LRMDA: variants seen among roughly 807,000 people sequenced by gnomAD.
The protein encoded by LRMDA is leucine-rich melanocyte differentiation-associated protein.
LRMDA carries 18 observed loss-of-function variants against 29.8 expected under a neutral mutation model. The observed-to-expected ratio is 0.60, with a 90% CI of 0.42 to 0.90. The LOEUF is 0.90. LRMDA is among the 40% of genes least tolerant of loss of function. The pLI is 0.00. For missense variants in LRMDA, 273 were observed against 273.9 expected (o/e 1.00, Z 0.02); for synonymous variants, 125 against 109.4 (o/e 1.14, Z -0.89).
At chr10:76,147,323 A>C (rs1176170735) in intron 5 of LRMDA, among the ~76,000 whole-genome samples, 1 of 152,118 alleles carries the variant, frequency 6.6e-6, no homozygotes, top group African/African-American at 2.4e-5. Flanking sequence ...CAGGTACACC[A>C]ATCAGACGTA....
chr10:76,232,859 T>C (rs1303336037), intron 5 of LRMDA, among the ~76,000 whole-genome samples: 1 of 152,164 alleles, frequency 6.6e-6, no homozygotes, highest in East Asian at 1.9e-4. Context: ...TGGGGCCTTT[T>C]ATGGACTCAG....
chr10:76,150,450 C>T (rs1850418786), intron 5 of LRMDA, among the ~76,000 whole-genome samples: 1 of 152,230 alleles, frequency 6.6e-6, no homozygotes, highest in African/African-American at 2.4e-5. Flanking sequence ...GTGCCTTCCC[C>T]TCCCCTGCCA....
rs58554883 is a variant in LRMDA, at chr10:76,261,064, C to CT, written c.517-63319dup. Among the ~76,000 whole-genome samples, 739 of 117,666 alleles carry CT rather than the reference C, an allele frequency of 6.3e-3. 33 individuals carry two copies. The highest frequency in any genetic ancestry group is 0.018 in the African/African-American group (537 of 29,612). 77.2% of individuals were successfully genotyped at this position (117,666 alleles called of 152,430 possible). ...GATTGACTTGCGTTTCTTTTCTTTT[C>CT]TTTTTTTTTTTTTTTTTTGAGACGG... is the stretch of plus-strand genomic sequence containing the variant. On this transcript the variant is annotated intron_variant, in intron 5 of 6. Coordinates refer to ENST00000611255, the MANE Select transcript of LRMDA (RefSeq NM_001305581.2).
chr10:76,329,467 T>C (rs938313393), intron 6 of LRMDA, among the ~76,000 whole-genome samples: 1 of 152,132 alleles, frequency 6.6e-6, no homozygotes, highest in African/African-American at 2.4e-5. Flanking sequence ...ATATTAAACA[T>C]TGAACTTGAA....
chr10:75,638,569 G>A lies in LRMDA; in HGVS notation c.131+200075G>A, dbSNP rs139206325. On this transcript the variant is annotated intron_variant, in intron 2 of 6. Coordinates refer to ENST00000611255, the MANE Select transcript of LRMDA (RefSeq NM_001305581.2). The stretch of plus-strand genomic sequence containing the variant: ...CACCCATTCCTGATTTGATGAAACC[G>A]TTTGTGATGTCCAGCATATATTTTG... Among the ~76,000 whole-genome samples the A allele has an allele frequency of 1.9e-3, 290 of 152,144 alleles. 1 individual carries two copies. The highest frequency in any genetic ancestry group is 6.2e-3 in the African/African-American group (258 of 41,488).
At chr10:75,896,712 TTC>T (rs969235230) in intron 2 of LRMDA, among the ~76,000 whole-genome samples, 4 of 152,204 alleles carry the variant, frequency 2.6e-5, no homozygotes, top group African/African-American at 9.7e-5. Context: ...GGCTGTGAAT[TTC>T]TGACATCAGC....
chr10:76,066,849 T>A (rs1402044294), intron 5 of LRMDA, among the ~76,000 whole-genome samples: 1 of 152,152 alleles, frequency 6.6e-6, no homozygotes, highest in African/African-American at 2.4e-5. Context: ...GGGAAAAAAG[T>A]CTGGGCAGGC....
chr10:75,613,850 C>A (rs975971965), intron 2 of LRMDA, among the ~76,000 whole-genome samples: 1 of 152,082 alleles, frequency 6.6e-6, no homozygotes, highest in Non-Finnish European at 1.5e-5. Flanking sequence ...AAATGGTTAC[C>A]CTTTGGTGCT....
intron 5 of LRMDA, among the ~76,000 whole-genome samples, chr10:76,074,162 G>T (rs1848919919): frequency 6.6e-6 from 1 of 152,188 alleles, no homozygotes; most frequent in Admixed American, 6.5e-5. Context: ...TTTAAAGATT[G>T]TATGCAACTG....
At chr10:75,994,196 T>A (rs1853393) in intron 2 of LRMDA, among the ~76,000 whole-genome samples, 43,748 of 152,180 alleles carry the variant, frequency 0.29, 8,370 homozygotes, top group Non-Finnish European at 0.42. Context: ...GAAGATGGAA[T>A]TTCAGGTGCA....
At chr10:75,742,042 T>G (rs1199403681) in intron 2 of LRMDA, among the ~76,000 whole-genome samples, 1 of 152,206 alleles carries the variant, frequency 6.6e-6, no homozygotes, top group Admixed American at 6.5e-5. Context: ...ACTAAGAACT[T>G]CCATCCTGCA....
rs532653263 is a variant in LRMDA at position 76,370,016 on chromosome 10, A to G, written c.601+45531A>G. On this transcript the variant is annotated intron_variant, in intron 6 of 6. Coordinates refer to ENST00000611255, the MANE Select transcript of LRMDA (RefSeq NM_001305581.2). The stretch of plus-strand genomic sequence containing the variant: ...GGGAAATGGAGCCAAGACTGTACCT[A>G]TAATTTAGGGTAAGGAGCAATAATG... Among the ~76,000 whole-genome samples, 7 of 152,294 alleles carry G rather than the reference A, an allele frequency of 4.6e-5. No homozygotes were observed. In the East Asian group the frequency reaches 5.8e-4, roughly 13 times the overall value.
intron 3 of LRMDA, among the ~76,000 whole-genome samples, chr10:76,045,079 C>T (rs1411404436): frequency 2.0e-5 from 3 of 150,170 alleles, no homozygotes; most frequent in South Asian, 2.1e-4. Context: ...TTAGTTTCCC[C>T]CTCTCTTGCT....
intron 2 of LRMDA, among the ~76,000 whole-genome samples, chr10:75,556,600 A>G (rs1308582199): frequency 6.6e-6 from 1 of 152,170 alleles, no homozygotes; most frequent in African/African-American, 2.4e-5. Context: ...CAAAAAGACT[A>G]TTCTTTCCCT....
In LRMDA at chr10:75,448,126, C is replaced by T. The variant is rs116582549; in HGVS notation, c.131+9632C>T. On this transcript the variant is annotated intron_variant, in intron 2 of 6. Coordinates refer to ENST00000611255, the MANE Select transcript of LRMDA (RefSeq NM_001305581.2). ...ACAGGACTTCCCTGAGGTTCACTTT[C>T]TTGAATGATGATGATCCCTGTAACT... 5.0e-3 allele frequency among the ~76,000 whole-genome samples: 761 copies of T among 152,290 alleles called. 11 individuals are homozygous for T. The highest frequency in any genetic ancestry group is 0.017 in the African/African-American group (723 of 41,554).
rs1049963170 is a variant in LRMDA, at chr10:75,888,709, A to T, written c.132-147299A>T. Among the ~76,000 whole-genome samples the T allele has an allele frequency of 2.0e-5, 3 of 152,204 alleles. No homozygotes were observed. In the East Asian group the frequency reaches 5.8e-4, roughly 29 times the overall value. On this transcript the variant is annotated intron_variant, in intron 2 of 6. Coordinates refer to ENST00000611255, the MANE Select transcript of LRMDA (RefSeq NM_001305581.2). ...GATTATTCTTAATTACTTCTGCATGATGACAGAGGAGTAAAGATGTCGTAC... is the reference window on the plus strand; with the variant it reads ...GATTATTCTTAATTACTTCTGCATGTTGACAGAGGAGTAAAGATGTCGTAC...
In LRMDA at chr10:75,996,740, T is replaced by G. The variant is rs551309704; in HGVS notation, c.132-39268T>G. On this transcript the variant is annotated intron_variant, in intron 2 of 6. Transcript: ENST00000611255. ...GTTTTTTTTGTTTGTTTGGTGTTTTTTTTTTTTTTTGAGACGGAGTCTCGG... is the reference window on the plus strand; with the variant it reads ...GTTTTTTTTGTTTGTTTGGTGTTTTGTTTTTTTTTTGAGACGGAGTCTCGG... Among the ~76,000 whole-genome samples the G allele has an allele frequency of 2.6e-5, 4 of 151,768 alleles. No homozygotes were observed. In the East Asian group the frequency reaches 5.8e-4, roughly 22 times the overall value.
intron 2 of LRMDA, among the ~76,000 whole-genome samples, chr10:75,990,302 G>A (rs1847345763): frequency 6.6e-6 from 1 of 152,110 alleles, no homozygotes; most frequent in East Asian, 1.9e-4. Flanking sequence ...TTAGATACTT[G>A]CCATGGTGGA....
intron 2 of LRMDA, among the ~76,000 whole-genome samples, chr10:76,018,507 C>T (rs964328640): frequency 6.6e-6 from 1 of 150,716 alleles, no homozygotes; most frequent in African/African-American, 2.4e-5. Context: ...TGGGTAATTG[C>T]AAGGTAGTTG....
Sources: allele counts gnomAD v4.1 joint callset (sites outside exome capture counted in the v4.1 genomes callset), GRCh38; gene constraint gnomAD v4.1.1; transcripts MANE v1.5; gene names NCBI Gene and HGNC (gene_info 2026-07-23, HGNC 2026-07-21).